The following HDGFL2 variants were observed in gnomAD, a reference collection of about 807,000 sequenced individuals.
HDGFL2 encodes the protein hepatoma-derived growth factor-related protein 2.
HDGFL2 carries 36 observed loss-of-function variants against 77.1 expected under a neutral mutation model. The ratio of observed to expected loss-of-function variants is 0.47; its 90% confidence interval spans 0.36 to 0.62. The LOEUF (loss-of-function observed/expected upper bound fraction) is 0.62. HDGFL2 is among the 20% of genes least tolerant of loss of function. The pLI is 0.00. For synonymous variants in HDGFL2, 463 were observed against 413.1 expected (o/e 1.12, Z -1.46); for missense variants, 976 against 973.4 (o/e 1.00, Z -0.04).
chr19:4,498,486 G>C, intron 12 of HDGFL2, 110 bp downstream of exon 12: 4 of 862,300 alleles, frequency 4.6e-6, no homozygotes, highest in Non-Finnish European at 7.5e-6. Context: ...GCAGTTGGGT[G>C]GGCCAGGAGT....
intron 3 of HDGFL2, among the ~76,000 whole-genome samples, chr19:4,486,736 A>G (rs1975371526): frequency 6.6e-6 from 1 of 151,980 alleles, no homozygotes. Context: ...TGAGCCACCC[A>G]CGGCCTAACT....
chr19:4,480,075 C>T (rs1975175831), intron 3 of HDGFL2, among the ~76,000 whole-genome samples: 1 of 152,064 alleles, frequency 6.6e-6, no homozygotes, highest in South Asian at 2.1e-4. Context: ...CTGGGCATTG[C>T]AGGGTGTTGA....
At chr19:4,491,263 CCCCCCA>C (rs1975501821) in intron 4 of HDGFL2, among the ~76,000 whole-genome samples, 1 of 97,236 alleles carries the variant, frequency 1.0e-5, no homozygotes, top group Non-Finnish European at 2.3e-5. Context: ...ACCCCCCCAC[CCCCCCA>C]CCCCCCCACC....
intron 9 of HDGFL2, among the ~76,000 whole-genome samples, chr19:4,495,773 A>G (rs906703519): frequency 5.3e-5 from 8 of 151,904 alleles, no homozygotes; most frequent in Non-Finnish European, 1.2e-4. Context: ...GGGAGCAGGT[A>G]GGAGGCCTCC....
intron 13 of HDGFL2, among the ~76,000 whole-genome samples, chr19:4,499,181 A>C (rs990725162): frequency 1.3e-5 from 2 of 151,918 alleles, no homozygotes; most frequent in South Asian, 2.1e-4. Context: ...CCCCATCTCT[A>C]CTAAAGATAC....
At chr19:4,489,738 C>T (rs1975459072) in intron 4 of HDGFL2, among the ~76,000 whole-genome samples, 1 of 152,070 alleles carries the variant, frequency 6.6e-6, no homozygotes, top group Admixed American at 6.6e-5. Flanking sequence ...TTTCAGTATG[C>T]ATTTAAAAAA....
At chr19:4,477,149 C>T (rs1001029012) in intron 3 of HDGFL2, among the ~76,000 whole-genome samples, 5 of 152,058 alleles carry the variant, frequency 3.3e-5, no homozygotes, top group African/African-American at 9.7e-5. Flanking sequence ...TCCTTTGTTT[C>T]GGCCTGGGCT....
rs764981114 is a variant in HDGFL2 at position 4,501,187 on chromosome 19, C to A, written c.1790-4C>A. On this transcript the variant is annotated splice_region_variant and splice_polypyrimidine_tract_variant and intron_variant, in intron 14 of 15. Transcript: ENST00000616600. ...GTGTCCTGTGACCCCTCTGTCCCAC[C>A]CAGATCTCTCAGCCCCAGTGAATGG... is the stretch of plus-strand genomic sequence containing the variant. 1 of 1,613,202 alleles carries A rather than the reference C, an allele frequency of 6.2e-7. No homozygotes were observed. The highest frequency in any genetic ancestry group is 1.1e-5 in the South Asian group (1 of 91,070).
chr19:4,481,725 G>T (rs4325686), intron 3 of HDGFL2, among the ~76,000 whole-genome samples: 43,406 of 151,770 alleles, frequency 0.29, 6,771 homozygotes, highest in East Asian at 0.54. Context: ...CCAAAGTGCT[G>T]GGATTACAGG....
At chr19:4,496,279 C>T (rs369383620) in intron 9 of HDGFL2, 23 bp from the exon 10 acceptor site, 752 of 1,599,036 alleles carry the variant, frequency 4.7e-4, no homozygotes, top group Non-Finnish European at 5.8e-4. Context: ...ACTGCTCCAG[C>T]GCGCCCTTCC....
chr19:4,495,014 GT>G (rs1413575310), intron 9 of HDGFL2, among the ~76,000 whole-genome samples: 1 of 152,164 alleles, frequency 6.6e-6, no homozygotes, highest in Non-Finnish European at 1.5e-5. Context: ...GTAAAGTGGG[GT>G]GGGGGGTTTC....
rs559315806 is a variant in HDGFL2, at chr19:4,488,899, T to G, written c.489+23T>G. On this transcript the variant is annotated intron_variant, in intron 4 of 15. Coordinates refer to ENST00000616600, the MANE Select transcript of HDGFL2 (RefSeq NM_001001520.3). The stretch of plus-strand genomic sequence containing the variant: ...AAGGTAGGGGAGGACCAAGGTGGGC[T>G]GGCCCTTCATCCCCTTGCCCTGATG... 19 of 1,537,048 alleles carry G rather than the reference T, an allele frequency of 1.2e-5. No homozygotes were observed. In the East Asian group the frequency reaches 4.4e-4, roughly 36 times the overall value.
At position 4,485,721 on chromosome 19, in the gene HDGFL2, G is replaced by C. The variant is rs1266988095; in HGVS notation, c.289-2955G>C. On this transcript the variant is annotated intron_variant, in intron 3 of 15. Transcript: ENST00000616600. ...GGCACCACTGCCCTCCAGCCTGGGC[G>C]ACAGAGCGAGACTCCGTCTCAAAAA... is the stretch of plus-strand genomic sequence containing the variant. Among the ~76,000 whole-genome samples, 4 of 149,802 alleles carry C rather than the reference G, an allele frequency of 2.7e-5. No individual in the cohort carries two copies. In the Admixed American group the frequency reaches 2.7e-4, roughly 10 times the overall value.
At chr19:4,484,052 G>C (rs1160572892) in intron 3 of HDGFL2, among the ~76,000 whole-genome samples, 1 of 149,462 alleles carries the variant, frequency 6.7e-6, no homozygotes, top group African/African-American at 2.5e-5. Context: ...GCCTCCCAAA[G>C]TGTTGGGATT....
chr19:4,481,554 C>T (rs989304264), intron 3 of HDGFL2, among the ~76,000 whole-genome samples: 2 of 151,760 alleles, frequency 1.3e-5, no homozygotes, highest in African/African-American at 4.8e-5. Flanking sequence ...TCTCGATCTC[C>T]TGACCTTGTG....
chr19:4,482,697 G>A (rs1426044577), intron 3 of HDGFL2, among the ~76,000 whole-genome samples: 1 of 152,214 alleles, frequency 6.6e-6, no homozygotes, highest in Non-Finnish European at 1.5e-5. Flanking sequence ...AGACCTGCTC[G>A]TGCTTTCATC....
intron 14 of HDGFL2, 97 bp downstream of exon 14, chr19:4,499,801 C>G: frequency 3.0e-6 from 3 of 1,005,924 alleles, no homozygotes; most frequent in Admixed American, 2.7e-5. Flanking sequence ...CAGCTCTACT[C>G]TCTGCCCCAA....
intron 11 of HDGFL2, 47 bp from the exon 12 acceptor site, chr19:4,498,259 C>T (rs776635859): frequency 5.9e-6 from 9 of 1,534,196 alleles, no homozygotes; most frequent in Middle Eastern, 1.9e-4. Flanking sequence ...CAGCTGGCCC[C>T]CTGTGGCCCT....
At chr19:4,479,960 C>G (rs1234772097) in intron 3 of HDGFL2, among the ~76,000 whole-genome samples, 1 of 151,434 alleles carries the variant, frequency 6.6e-6, no homozygotes, top group Non-Finnish European at 1.5e-5. Flanking sequence ...CAGCTGGTGT[C>G]TGAAGCCTTG....
Sources: gnomAD v4.1 joint callset for allele counts (sites outside exome capture counted in the v4.1 genomes callset) on GRCh38, gnomAD v4.1.1 for gene constraint, MANE v1.5 for transcripts, NCBI Gene and HGNC (gene_info 2026-07-23, HGNC 2026-07-21) for gene names.